The following PLEKHA7 variants were observed in gnomAD, a reference collection of about 807,000 sequenced individuals.
PLEKHA7 encodes the protein pleckstrin homology domain-containing family A member 7.
In PLEKHA7, 104 loss-of-function variants were observed where a neutral mutation model predicts 170.0. That is an observed-to-expected ratio of 0.61 (90% CI 0.52 to 0.72). PLEKHA7 has a LOEUF of 0.72. Ranked by LOEUF, PLEKHA7 falls within the 30% of genes least tolerant of loss-of-function variation. The probability of loss-of-function intolerance (pLI) is 0.00; values close to 1 mark genes in which losing one functional copy is unlikely to be tolerated. For synonymous variants in PLEKHA7, 648 were observed against 660.8 expected, an observed-to-expected ratio of 0.98 and a Z score of 0.30; for missense variants, 1,615 against 1,671.7, an observed-to-expected ratio of 0.97 and a Z score of 0.59.
intron 8 of PLEKHA7, among the ~76,000 whole-genome samples, chr11:16,843,092 C>T (rs1343424089): frequency 2.0e-5 from 3 of 152,132 alleles, no homozygotes; most frequent in Non-Finnish European, 4.4e-5. Context: ...CTACTATATC[C>T]CCAGGAAGAG....
chr11:16,939,985 CAATGGTTCAGAG>C (rs1378409802), intron 3 of PLEKHA7, among the ~76,000 whole-genome samples: 7 of 152,112 alleles, frequency 4.6e-5, no homozygotes, highest in Non-Finnish European at 8.8e-5. Context: ...GTAAGAAACC[CAATGGTTCAGAG>C]AATGGTACCA....
intron 3 of PLEKHA7, among the ~76,000 whole-genome samples, chr11:17,012,869 G>C (rs1202341513): frequency 1.3e-5 from 2 of 152,148 alleles, no homozygotes; most frequent in Non-Finnish European, 2.9e-5. Context: ...CTAGTCCTTA[G>C]GTCTGTAAAT....
At position 16,818,862 on chromosome 11, in the gene PLEKHA7, G is replaced by A. The variant is rs190998892; in HGVS notation, c.1344-1540C>T. Among the ~76,000 whole-genome samples, 501 of 151,454 alleles carry A rather than the reference G, an allele frequency of 3.3e-3. 3 individuals carry two copies. Among genetic ancestry groups the A allele is most frequent in the African/African-American group, 0.012 (478 of 41,208 alleles). On this transcript the variant is annotated intron_variant, in intron 10 of 26. Transcript: ENST00000531066. ...TCTTTTGCCCAGGCTGGAGTGCAGT[G>A]GTGCAATCTCTGCTCACTGCAACCT...
intron 3 of PLEKHA7, among the ~76,000 whole-genome samples, chr11:17,005,966 T>C (rs1247266996): frequency 6.6e-6 from 1 of 152,222 alleles, no homozygotes; most frequent in Non-Finnish European, 1.5e-5. Context: ...ATTTCTATTT[T>C]AGTATATATG....
At chr11:16,818,344 C>G (rs1408233343) in intron 10 of PLEKHA7, among the ~76,000 whole-genome samples, 1 of 152,248 alleles carries the variant, frequency 6.6e-6, no homozygotes, top group Non-Finnish European at 1.5e-5. Flanking sequence ...ACATCTGATA[C>G]ACAGAAGGTC....
At chr11:16,992,648 T>C (rs1237929403) in intron 3 of PLEKHA7, among the ~76,000 whole-genome samples, 3 of 150,142 alleles carry the variant, frequency 2.0e-5, no homozygotes, top group Non-Finnish European at 4.4e-5. Flanking sequence ...CCCAGCTACA[T>C]GGGAGGCAGA....
At chr11:16,872,805 T>G (rs1403634312) in intron 3 of PLEKHA7, among the ~76,000 whole-genome samples, 1 of 119,070 alleles carries the variant, frequency 8.4e-6, no homozygotes, top group South Asian at 2.3e-4. Flanking sequence ...CCTGGCCAAA[T>G]GTAATTTTTT....
chr11:16,838,928 C>A (rs1169437042), intron 9 of PLEKHA7, among the ~76,000 whole-genome samples: 9 of 151,988 alleles, frequency 5.9e-5, no homozygotes, highest in African/African-American at 2.2e-4. Flanking sequence ...CCTCATGAGC[C>A]ACCCGCCTCG....
At chr11:16,955,633 A>AATAAAAACT (rs1180013987) in intron 3 of PLEKHA7, among the ~76,000 whole-genome samples, 2 of 152,164 alleles carry the variant, frequency 1.3e-5, no homozygotes, top group Admixed American at 6.5e-5. Context: ...AACTGCTTAG[A>AATAAAAACT]TGGAGCTCTA....
At chr11:16,851,949 C>A (rs1471234810) in intron 7 of PLEKHA7, among the ~76,000 whole-genome samples, 1 of 152,210 alleles carries the variant, frequency 6.6e-6, no homozygotes, top group African/African-American at 2.4e-5. Flanking sequence ...ACTTTATGTT[C>A]TGGGGCTCCA....
rs140309082 is a variant in PLEKHA7, at chr11:16,933,870, G to A, written c.222-62688C>T. Among the ~76,000 whole-genome samples the A allele has an allele frequency of 3.8e-3, 583 of 152,274 alleles. 3 individuals carry two copies. The highest frequency in any genetic ancestry group is 0.012 in the African/African-American group (499 of 41,558). On this transcript the variant is annotated intron_variant, in intron 3 of 26. Coordinates refer to ENST00000531066, the MANE Select transcript of PLEKHA7 (RefSeq NM_001329630.2). ...TAACAAGCAAGAGCAGAGCCAAATCGCAGCACAAGATTGTAACTTGTTCAA... is the reference window on the plus strand; with the variant it reads ...TAACAAGCAAGAGCAGAGCCAAATCACAGCACAAGATTGTAACTTGTTCAA...
chr11:17,010,702 G>A (rs1196273155), intron 3 of PLEKHA7, among the ~76,000 whole-genome samples: 1 of 152,160 alleles, frequency 6.6e-6, no homozygotes, highest in Non-Finnish European at 1.5e-5. Context: ...CCTGTGCAAG[G>A]AGCCATTAGG....
At position 16,796,507 on chromosome 11, in the gene PLEKHA7, G is replaced by A. The variant is rs1848238942; in HGVS notation, c.2410-1489C>T. 2.0e-5 allele frequency among the ~76,000 whole-genome samples: 3 copies of A among 152,248 alleles called. No individual in the cohort carries two copies. The South Asian group carries it at 6.2e-4, about 32-fold the overall frequency. ...GATTAGTGTTTGGCAAGGGCAGAGG[G>A]GACGCTGGGGGAATGAGAGTGACTG... On this transcript the variant is annotated intron_variant, in intron 17 of 26. Transcript: ENST00000531066.
In PLEKHA7 at chr11:16,794,586, G is replaced by A; in HGVS notation, c.2647C>T (p.Pro883Ser). The A allele has an allele frequency of 6.2e-7, 1 of 1,613,512 alleles. No individual in the cohort carries two copies. Reference protein sequence around the residue: ...VRTPLEVRLFPQLQTYVPYRP... With the variant: ...VRTPLEVRLFSQLQTYVPYRP... ...TACGGCACGTAGGTTTGCAGCTGGG[G>A]GAAGAGTCGAACCTCCAGAGGGGTC... Residue 883 changes from proline to serine, a missense_variant, in exon 19 of 27, where the codon CCC becomes TCC. Transcript: ENST00000531066.
intron 8 of PLEKHA7, among the ~76,000 whole-genome samples, chr11:16,844,074 T>G (rs1160458253): frequency 6.6e-6 from 1 of 152,176 alleles, no homozygotes; most frequent in Non-Finnish European, 1.5e-5. Context: ...CAGCCTTTTG[T>G]GCCCAGCCAT....
chr11:16,871,880 G>T (rs191071770), intron 3 of PLEKHA7, among the ~76,000 whole-genome samples: 2 of 151,890 alleles, frequency 1.3e-5, no homozygotes, highest in Non-Finnish European at 2.9e-5. Context: ...GAGACTGTTG[G>T]TTTGCTCCAC....
In PLEKHA7 at chr11:16,791,190, C is replaced by A; in HGVS notation, c.2755G>T (p.Ala919Ser). 6.3e-7 allele frequency: 1 copy of A among 1,590,798 alleles called. No individual in the cohort carries two copies. The highest frequency in any genetic ancestry group is 8.6e-7 in the Non-Finnish European group (1 of 1,167,320). ...TCGGGGAGTGGGGGCCTGGGAGGTGCTTCATCTTCCTGCTGAGAAAGAGAA... is the reference window on the plus strand; with the variant it reads ...TCGGGGAGTGGGGGCCTGGGAGGTGATTCATCTTCCTGCTGAGAAAGAGAA... ...TKAKPKVEDEAPPRPPLPELY... is the reference protein window; with the variant it reads ...TKAKPKVEDESPPRPPLPELY... Residue 919 changes from alanine to serine, a missense_variant, in exon 20 of 27, where the codon GCA becomes TCA. Coordinates refer to ENST00000531066, the MANE Select transcript of PLEKHA7 (RefSeq NM_001329630.2). The surrounding 1 kb of genome is among the most constrained non-coding windows in gnomAD (Gnocchi z 4.5).
intron 3 of PLEKHA7, among the ~76,000 whole-genome samples, chr11:16,925,366 G>A (rs986147596): frequency 6.6e-6 from 1 of 152,204 alleles, no homozygotes; most frequent in Non-Finnish European, 1.5e-5. Flanking sequence ...AACTCCAGCG[G>A]CCAGCTACGG....
intron 4 of PLEKHA7, among the ~76,000 whole-genome samples, chr11:16,869,011 TAAC>T (rs1476764320): frequency 1.3e-5 from 2 of 152,198 alleles, no homozygotes; most frequent in African/African-American, 4.8e-5. Context: ...CCAGACTTAA[TAAC>T]AACAGGCACC....
Sources: allele counts gnomAD v4.1 joint callset (sites outside exome capture counted in the v4.1 genomes callset), GRCh38; gene constraint gnomAD v4.1.1; non-coding constraint Gnocchi (gnomAD v3.1); transcripts MANE v1.5; gene names NCBI Gene and HGNC (gene_info 2026-07-23, HGNC 2026-07-21).